The following HK2 variants were observed in gnomAD, a reference collection of about 807,000 sequenced individuals.
HK2 encodes the protein hexokinase 2.
A neutral mutation model predicts 92.9 loss-of-function variants in HK2; 42 were observed. The ratio of observed to expected loss-of-function variants is 0.45; its 90% CI spans 0.35 to 0.58. HK2 has a LOEUF of 0.58. Ranked by LOEUF, HK2 falls within the 20% of genes least tolerant of loss-of-function variation. The pLI, the probability that HK2 is intolerant of heterozygous loss-of-function variation, is 0.00. For synonymous variants in HK2, 422 were observed against 468.0 expected (o/e 0.90, Z 1.27); for missense variants, 978 against 1,245.1 (o/e 0.79, Z 3.23).
chr2:74,886,645 G>A lies in HK2; in HGVS notation c.2191G>A (p.Glu731Lys). Residue 731 changes from glutamate to lysine, a missense_variant, in exon 15 of 18, where the codon GAG (glutamate) becomes AAG (lysine). Glu to Lys is a moderately conservative substitution (Grantham distance 56). Coordinates refer to ENST00000290573, the MANE Select transcript of HK2 (RefSeq NM_000189.5). ...CACAGAATTTGATGTGGCTGTGGAT[G>A]AGCTTTCACTCAACCCCGGCAAGCA... ...FRTEFDVAVD[E>K]LSLNPGKQRF... 1 of 1,614,020 alleles carries A rather than the reference G, an allele frequency of 6.2e-7. No individual in the cohort carries two copies. The highest frequency in any genetic ancestry group is 8.5e-7 in the Non-Finnish European group (1 of 1,179,988).
intron 1 of HK2, among the ~76,000 whole-genome samples, chr2:74,853,099 C>A (rs981278760): frequency 6.6e-6 from 1 of 152,072 alleles, no homozygotes; most frequent in Non-Finnish European, 1.5e-5. Context: ...GGTAGCAGAT[C>A]GTCAGGGCAT....
At chr2:74,870,712 C>A (rs1213454633) in intron 3 of HK2, among the ~76,000 whole-genome samples, 2 of 152,142 alleles carry the variant, frequency 1.3e-5, no homozygotes, top group African/African-American at 4.8e-5. Context: ...CTGAATATAT[C>A]CCTATTTTCA....
At chr2:74,853,518 AAACAACAAC>A (rs146960066) in intron 1 of HK2, among the ~76,000 whole-genome samples, 46,306 of 143,236 alleles carry the variant, frequency 0.32, 7,614 homozygotes, top group Middle Eastern at 0.38. Context: ...CTCAGCCTCA[AAACAACAAC>A]AACAACAACA....
At chr2:74,858,130 T>C (rs1201183640) in intron 2 of HK2, among the ~76,000 whole-genome samples, 4 of 152,240 alleles carry the variant, frequency 2.6e-5, no homozygotes, top group African/African-American at 7.2e-5. Context: ...AAGAAACACA[T>C]GCATATAAAT....
chr2:74,835,335 C>T lies in HK2; in HGVS notation c.63+692C>T, dbSNP rs1386536. 1,155 of 154,490 alleles carry T rather than the reference C, an allele frequency of 7.5e-3. 53 individuals carry two copies. The highest frequency in any genetic ancestry group is 0.066 in the Admixed American group (1,038 of 15,638). The allele number at this position is 154,490 out of a possible 1,614,324, so 9.6% of individuals were successfully genotyped here. ...AGCCTCGTGTCCTCAGGATCTGCCT[C>T]TGAGTAAGGGGAGGACTTTGGTTGT... is the stretch of plus-strand genomic sequence containing the variant. On this transcript the variant is annotated intron_variant, in intron 1 of 17. Transcript: ENST00000290573.
At chr2:74,867,955 G>T in intron 3 of HK2, 171 bp downstream of exon 3, 2 of 755,362 alleles carry the variant, frequency 2.6e-6, no homozygotes, top group Non-Finnish European at 4.7e-6. Context: ...GGCTGTTCTG[G>T]TTGTATTTTA....
rs1359095111 is a variant in HK2, at chr2:74,890,816, G to A, written c.2629G>A (p.Glu877Lys). 3.7e-6 allele frequency: 6 copies of A among 1,614,164 alleles called. No individual in the cohort carries two copies. The highest frequency in any genetic ancestry group is 3.3e-5 in the South Asian group (3 of 91,074). ...LHPHFAKVMHETVKDLAPKCD... is the reference protein window; with the variant it reads ...LHPHFAKVMHKTVKDLAPKCD... ...TTCCAGCTTTGCCAAAGTCATGCAT[G>A]AGACAGTGAAGGACCTGGCTCCGAA... The change falls in exon 18 of 18, where the codon GAG becomes AAG. Residue 877 changes from glutamate (E) to lysine (K), a missense_variant. Physicochemically the swap from Glu to Lys is moderately conservative, Grantham distance 56. Around this residue, in one of 3 missense-constraint regions of HK2, gnomAD observed 742 missense variants for 922.5 expected, o/e 0.80. Transcript: ENST00000290573.
intron 10 of HK2, among the ~76,000 whole-genome samples, 187 bp from the exon 11 acceptor site, chr2:74,881,524 G>A (rs1460257157): frequency 6.6e-6 from 1 of 152,240 alleles, no homozygotes; most frequent in Non-Finnish European, 1.5e-5. Flanking sequence ...GGTTTTCTCA[G>A]TTTAAAAGAT....
rs755237670 is a variant in HK2, at chr2:74,878,744, C to T, written c.1088C>T (p.Pro363Leu). Residue 363 changes from proline to leucine, a missense_variant, in exon 9 of 18, where the codon CCG becomes CTG. Physicochemically the swap from Pro to Leu is moderately conservative, Grantham distance 98 (BLOSUM62 -3). Coordinates refer to ENST00000290573, the MANE Select transcript of HK2 (RefSeq NM_000189.5). ...GTCCTGATGCGGTTGGGCCTGGACC[C>T]GACTCAGGAGGACTGCGTGGCCACT... Reference protein sequence around the residue: ...REVLMRLGLDPTQEDCVATHR... With the variant: ...REVLMRLGLDLTQEDCVATHR... 1.1e-5 allele frequency: 17 copies of T among 1,603,706 alleles called. No homozygotes were observed. The highest frequency in any genetic ancestry group is 2.2e-5 in the East Asian group (1 of 44,464).
At chr2:74,881,605 G>A in intron 10 of HK2, 106 bp from the exon 11 acceptor site, 1 of 1,092,848 alleles carries the variant, frequency 9.2e-7, no homozygotes, top group Non-Finnish European at 1.4e-6. Context: ...ATATAAAGTG[G>A]CATTTGATGG....
chr2:74,868,543 G>A (rs2103940593), intron 3 of HK2, among the ~76,000 whole-genome samples: 1 of 152,222 alleles, frequency 6.6e-6, no homozygotes. Context: ...GCATAGTGCT[G>A]GTGCATAATC....
intron 12 of HK2, among the ~76,000 whole-genome samples, chr2:74,882,791 CTT>C (rs1689436029): frequency 1.3e-5 from 2 of 151,596 alleles, no homozygotes; most frequent in African/African-American, 4.9e-5. Flanking sequence ...GTCATAATAG[CTT>C]GGGACTGGCC....
intron 2 of HK2, among the ~76,000 whole-genome samples, chr2:74,865,435 G>A (rs187013010): frequency 2.0e-5 from 3 of 152,172 alleles, no homozygotes; most frequent in African/African-American, 7.2e-5. Context: ...CTGATTCAGC[G>A]GATCGCGTGT....
In HK2 at chr2:74,873,349, G is replaced by A. The variant is rs139442407; in HGVS notation, c.569G>A (p.Arg190Gln). Residue 190 changes from arginine to glutamine, a missense_variant, in exon 5 of 18, where the codon CGG becomes CAG. Physicochemically the swap from Arg to Gln is conservative, Grantham distance 43. Around this residue, in one of 3 missense-constraint regions of HK2, gnomAD observed 189 missense variants for 289.5 expected, o/e 0.65. Transcript: ENST00000290573. ...VEGRDVVALI[R>Q]KAIQRRGDFD... ...GGCAGAGACGTTGTGGCTCTGATCCGGAAGGCCATCCAGAGGAGAGGGGTG... is the reference window on the plus strand; with the variant it reads ...GGCAGAGACGTTGTGGCTCTGATCCAGAAGGCCATCCAGAGGAGAGGGGTG... 15 of 1,613,628 alleles carry A rather than the reference G, an allele frequency of 9.3e-6. No homozygotes were observed. Among genetic ancestry groups the A allele is most frequent in the African/African-American group, 4.0e-5 (3 of 74,898 alleles).
chr2:74,868,926 C>T (rs1039937548), intron 3 of HK2, among the ~76,000 whole-genome samples: 4 of 152,130 alleles, frequency 2.6e-5, no homozygotes, highest in Admixed American at 6.5e-5. Context: ...GTCCCTGCAG[C>T]GTCATCCCTA....
At position 74,867,792 on chromosome 2, in the gene HK2, C is replaced by T; in HGVS notation, c.375+8C>T. 6.2e-7 allele frequency: 1 copy of T among 1,613,906 alleles called. No individual in the cohort carries two copies. The highest frequency in any genetic ancestry group is 8.5e-7 in the Non-Finnish European group (1 of 1,179,886). ...CGAGGCAGTGGCACCCAGGTATGACCCTTCTCTCAGGGCAGCCCCTGGTGA... is the reference window on the plus strand; with the variant it reads ...CGAGGCAGTGGCACCCAGGTATGACTCTTCTCTCAGGGCAGCCCCTGGTGA... On this transcript the variant is annotated splice_region_variant and intron_variant, in intron 3 of 17. Coordinates refer to ENST00000290573, the MANE Select transcript of HK2 (RefSeq NM_000189.5).
At chr2:74,850,754 A>T (rs879565704) in intron 1 of HK2, among the ~76,000 whole-genome samples, 1 of 151,918 alleles carries the variant, frequency 6.6e-6, no homozygotes, top group Non-Finnish European at 1.5e-5. Context: ...CTTGTTTCTG[A>T]CTTCTGCTTC....
intron 10 of HK2, 118 bp downstream of exon 10, chr2:74,880,687 C>T (rs1366732164): frequency 5.8e-6 from 6 of 1,039,734 alleles, no homozygotes; most frequent in South Asian, 5.6e-5. Flanking sequence ...GTTTCTTCAG[C>T]CGTATTACTA....
At chr2:74,860,463 A>G (rs114950238) in intron 2 of HK2, among the ~76,000 whole-genome samples, 2,092 of 152,310 alleles carry the variant, frequency 0.014, 43 homozygotes, top group African/African-American at 0.047. Context: ...TATTTTCCAC[A>G]TATGTGAGTT....
Sources: allele counts gnomAD v4.1 joint callset (sites outside exome capture counted in the v4.1 genomes callset), GRCh38; gene constraint gnomAD v4.1.1; regional missense constraint gnomAD v4.1.1; transcripts MANE v1.5; gene names NCBI Gene and HGNC (gene_info 2026-07-23, HGNC 2026-07-21).